The following CAMTA1 variants were observed in gnomAD, a reference collection of about 807,000 sequenced individuals.
CAMTA1 encodes calmodulin binding transcription activator 1.
A neutral mutation model predicts 170.9 loss-of-function variants in CAMTA1; 27 were observed. That is an observed-to-expected ratio of 0.16 (90% CI 0.12 to 0.22). The LOEUF is 0.22. CAMTA1 is among the 10% of genes least tolerant of loss of function. The pLI is 1.00. For synonymous variants in CAMTA1, 833 were observed against 891.5 expected (o/e 0.93, Z 1.17); for missense variants, 1,619 against 2,217.2 (o/e 0.73, Z 5.42).
intron 3 of CAMTA1, among the ~76,000 whole-genome samples, chr1:6,906,011 G>A (rs1007299074): frequency 3.3e-5 from 5 of 152,218 alleles, no homozygotes; most frequent in African/African-American, 9.6e-5. Context: ...GGTGTTGCCT[G>A]TGGGAACTCT....
chr1:7,185,589 G>T (rs1197713069), intron 4 of CAMTA1, among the ~76,000 whole-genome samples: 1 of 152,188 alleles, frequency 6.6e-6, no homozygotes, highest in Non-Finnish European at 1.5e-5. Context: ...TAATTTCAAA[G>T]GGGGAATTAC....
At chr1:6,972,425 C>T (rs745392066) in intron 3 of CAMTA1, among the ~76,000 whole-genome samples, 8 of 151,974 alleles carry the variant, frequency 5.3e-5, no homozygotes, top group Non-Finnish European at 1.2e-4. Context: ...CTTTTTTTTG[C>T]ATCTGGAGAA....
Position 7,004,987 on chromosome 1 carries a change from G to T in CAMTA1, c.235-86317G>T, listed in dbSNP as rs1465107330. Among the ~76,000 whole-genome samples the T allele has an allele frequency of 5.9e-5, 9 of 152,310 alleles. No individual in the cohort carries two copies. The East Asian group carries it at 1.7e-3, about 29-fold the overall frequency. The stretch of plus-strand genomic sequence containing the variant: ...GGGTTTCACTATGTTGGCCAGGCTG[G>T]TCTCAAACTCCTGACCTCAAGTGAT... On this transcript the variant is annotated intron_variant, in intron 3 of 22. Transcript: ENST00000303635.
intron 7 of CAMTA1, among the ~76,000 whole-genome samples, chr1:7,649,551 A>G (rs912601079): frequency 1.3e-5 from 2 of 151,412 alleles, no homozygotes; most frequent in Admixed American, 6.6e-5. Context: ...GTGGGCACGG[A>G]GAGGCTGACT....
chr1:7,398,177 CTCTCTCT>C (rs2089498737), intron 5 of CAMTA1, among the ~76,000 whole-genome samples: 1 of 42,152 alleles, frequency 2.4e-5, no homozygotes, highest in African/African-American at 9.5e-5. Flanking sequence ...CTCTCTCTCT[CTCTCTCT>C]CTCTCTCTCT....
chr1:7,078,964 T>C (rs775008541), intron 3 of CAMTA1, among the ~76,000 whole-genome samples: 2 of 152,182 alleles, frequency 1.3e-5, no homozygotes, highest in Admixed American at 6.5e-5. Context: ...CTAGAAACTT[T>C]TATGGCTCTC....
intron 5 of CAMTA1, among the ~76,000 whole-genome samples, chr1:7,335,158 T>TGGGG (rs1557537637): frequency 1.4e-4 from 4 of 29,428 alleles, no homozygotes; most frequent in Non-Finnish European, 2.0e-4. Context: ...GGGGGGGGGG[T>TGGGG]GGGGGTGGGG....
rs891696257 is a variant in CAMTA1, at chr1:7,113,096, C to T, written c.302+21725C>T. 2.0e-5 allele frequency among the ~76,000 whole-genome samples: 3 copies of T among 152,168 alleles called. No homozygotes were observed. The highest frequency in any genetic ancestry group is 3.8e-4 in the East Asian group (2 of 5,204). On this transcript the variant is annotated intron_variant, in intron 4 of 22. Transcript: ENST00000303635. This position sits in a 1 kb window ranked among gnomAD's most constrained non-coding sequence, Gnocchi z 4.5. Reference sequence around the variant, plus strand: ...ACCCTCAGAAAGTGTGGCATCAGCACGAGAAGCAGCAACTTTCTGAAATGC... The same window carrying T: ...ACCCTCAGAAAGTGTGGCATCAGCATGAGAAGCAGCAACTTTCTGAAATGC...
intron 3 of CAMTA1, among the ~76,000 whole-genome samples, chr1:6,991,694 T>C (rs1696395861): frequency 6.6e-6 from 1 of 152,224 alleles, no homozygotes; most frequent in African/African-American, 2.4e-5. Context: ...ATTTATTTGT[T>C]TATCCATTCA....
chr1:7,565,365 G>T lies in CAMTA1; in HGVS notation c.511-75035G>T, dbSNP rs1254380938. The stretch of plus-strand genomic sequence containing the variant: ...GTGAGTCTCTGAGCAGGGGCAGAAG[G>T]CTGGTGAGGGCCCAGGGGAGCCTAC... On this transcript the variant is annotated intron_variant, in intron 6 of 22. Coordinates refer to ENST00000303635, the MANE Select transcript of CAMTA1 (RefSeq NM_015215.4). This position sits in a 1 kb window ranked among gnomAD's most constrained non-coding sequence, Gnocchi z 4.5. Among the ~76,000 whole-genome samples the T allele has an allele frequency of 2.6e-5, 4 of 152,166 alleles. No homozygotes were observed. Among genetic ancestry groups the T allele is most frequent in the Non-Finnish European group, 5.9e-5 (4 of 68,026 alleles).
At chr1:7,480,710 C>G (rs6678279) in intron 6 of CAMTA1, among the ~76,000 whole-genome samples, 1 of 152,038 alleles carries the variant, frequency 6.6e-6, no homozygotes, top group African/African-American at 2.4e-5. Flanking sequence ...CTCAACCCCC[C>G]GATGCTGGAC....
In CAMTA1 at chr1:7,093,081, C is replaced by T. The variant is rs12027114; in HGVS notation, c.302+1710C>T. On this transcript the variant is annotated intron_variant, in intron 4 of 22. Transcript: ENST00000303635. The surrounding 1 kb of genome is among the most constrained non-coding windows in gnomAD (Gnocchi z 4.6). ...CAGTGCACTATTTGGTGAATACGGC[C>T]ATGTTAAACTAGAGAGCCTGACATG... is the stretch of plus-strand genomic sequence containing the variant. Among the ~76,000 whole-genome samples the T allele has an allele frequency of 1.2e-3, 180 of 152,302 alleles. 4 individuals are homozygous for T. In the East Asian group the frequency reaches 0.03, roughly 25 times the overall value.
rs1164841564 is a variant in CAMTA1 at position 7,588,385 on chromosome 1, G to T, written c.511-52015G>T. ...ACACAGTCGGGATGGTCCGGGCGGG[G>T]GATGGCCCCAGGGGCTCAGGAGGCC... On this transcript the variant is annotated intron_variant, in intron 6 of 22. Transcript: ENST00000303635. This position sits in a 1 kb window ranked among gnomAD's most constrained non-coding sequence, Gnocchi z 5.8. 6.6e-6 allele frequency among the ~76,000 whole-genome samples: 1 copy of T among 152,172 alleles called. No homozygotes were observed.
intron 6 of CAMTA1, among the ~76,000 whole-genome samples, chr1:7,537,846 G>GA (rs1001483902): frequency 7.2e-5 from 11 of 152,214 alleles, no homozygotes; most frequent in African/African-American, 2.2e-4. Context: ...TTTGGGGATA[G>GA]AAAAAAAGAC....
intron 5 of CAMTA1, among the ~76,000 whole-genome samples, chr1:7,358,491 G>A (rs2085295592): frequency 6.6e-6 from 1 of 152,122 alleles, no homozygotes; most frequent in African/African-American, 2.4e-5. Flanking sequence ...GGCAGTGGTG[G>A]GGCTGCTTCC....
At chr1:6,982,208 A>C (rs1411698330) in intron 3 of CAMTA1, among the ~76,000 whole-genome samples, 1 of 151,920 alleles carries the variant, frequency 6.6e-6, no homozygotes, top group Non-Finnish European at 1.5e-5. Context: ...CCCACAGAGC[A>C]CTCCCTGAGT....
chr1:7,546,796 C>T (rs569567717), intron 6 of CAMTA1, among the ~76,000 whole-genome samples: 26 of 151,916 alleles, frequency 1.7e-4, no homozygotes, highest in East Asian at 5.8e-4. Context: ...GCTGGACGAA[C>T]GTCTTATTTT....
chr1:7,203,834 T>A (rs1447249084), intron 4 of CAMTA1, among the ~76,000 whole-genome samples: 1 of 151,430 alleles, frequency 6.6e-6, no homozygotes, highest in East Asian at 1.9e-4. Context: ...TACTTTTCTT[T>A]CTTTTTTTTT....
intron 5 of CAMTA1, among the ~76,000 whole-genome samples, chr1:7,287,759 C>T (rs1018360421): frequency 2.0e-5 from 3 of 152,206 alleles, no homozygotes; most frequent in African/African-American, 7.2e-5. Context: ...GAGTGGTTCC[C>T]CTCCAGGTGG....
Sources: allele counts gnomAD v4.1 joint callset (sites outside exome capture counted in the v4.1 genomes callset), GRCh38; gene constraint gnomAD v4.1.1; non-coding constraint Gnocchi (gnomAD v3.1); transcripts MANE v1.5; gene names NCBI Gene and HGNC (gene_info 2026-07-23, HGNC 2026-07-21).